The following PCDH19 variants were observed in gnomAD, a reference collection of about 807,000 sequenced individuals.
The protein encoded by PCDH19 is protocadherin 19, also known as protocadherin-19.
In PCDH19, 6 loss-of-function variants were observed where a neutral mutation model predicts 46.2. That is an observed-to-expected ratio of 0.13 (90% CI 0.07 to 0.26). The LOEUF is 0.26. Among genes scored for constraint, PCDH19 ranks in the 10% least tolerant of loss-of-function variants. The probability of loss-of-function intolerance (pLI) is 1.00; values close to 1 mark genes in which losing one functional copy is unlikely to be tolerated. For missense variants in PCDH19, 740 were observed against 972.3 expected, an observed-to-expected ratio of 0.76 and a Z score of 3.18; for synonymous variants, 481 against 415.7, an observed-to-expected ratio of 1.16 and a Z score of -1.91.
In PCDH19 at chrX:100,409,886, G is replaced by T. The variant is rs1053679298; in HGVS notation, c.-1289C>A. On this transcript the variant is annotated 5_prime_UTR_variant, in exon 1 of 6. Coordinates refer to ENST00000373034, the MANE Select transcript of PCDH19 (RefSeq NM_001184880.2). The stretch of plus-strand genomic sequence containing the variant: ...GAGAGGCGCTGGCCGCGCTGCGTTG[G>T]GCTCCCTTCCTCCCGGGCGCTCGCG... The T allele has an allele frequency of 1.3e-5, 4 of 314,632 alleles. No homozygotes were observed. Among genetic ancestry groups the T allele is most frequent in the Non-Finnish European group, 2.2e-5 (4 of 184,068 alleles). 25.9% of individuals were successfully genotyped at this position (314,632 alleles called of 1,213,427 possible).
chrX:100,356,438 C>T (rs1380818938), intron 3 of PCDH19, among the ~76,000 whole-genome samples: 4 of 111,595 alleles, frequency 3.6e-5, no homozygotes, highest in Non-Finnish European at 7.5e-5. Flanking sequence ...ATGGTCATCT[C>T]CTCACAAAGA....
rs1324975511 is a variant in PCDH19, at chrX:100,407,203, G to C, written c.1395C>G (p.Asn465Lys). ...KPYYQVIVQE[N>K]NTPGAYLLSV... ...AGAGCAGATAGGCGCCAGGCGTGTTGTTCTCCTGCACAATGACCTGGTAGT... is the reference window on the plus strand; with the variant it reads ...AGAGCAGATAGGCGCCAGGCGTGTTCTTCTCCTGCACAATGACCTGGTAGT... The change falls in exon 1 of 6, where the codon AAC becomes AAG. Residue 465 changes from asparagine (N) to lysine (K), a missense_variant. Physicochemically the swap from Asn to Lys is moderately conservative, Grantham distance 94. Around this residue, in one of 5 missense-constraint regions of PCDH19, gnomAD observed 186 missense variants for 319.9 expected, o/e 0.58. Coordinates refer to ENST00000373034, the MANE Select transcript of PCDH19 (RefSeq NM_001184880.2). The C allele has an allele frequency of 2.5e-6, 3 of 1,211,810 alleles. No individual in the cohort carries two copies. Among genetic ancestry groups the C allele is most frequent in the Non-Finnish European group, 2.2e-6 (2 of 895,514 alleles).
At chrX:100,374,271 A>C (rs372580660) in intron 3 of PCDH19, among the ~76,000 whole-genome samples, 1 of 112,553 alleles carries the variant, frequency 8.9e-6, no homozygotes. Context: ...TGTCCATTCA[A>C]ATAAATCCCT....
intron 4 of PCDH19, among the ~76,000 whole-genome samples, chrX:100,343,174 A>G (rs1047156136): frequency 6.3e-5 from 7 of 111,836 alleles, no homozygotes; most frequent in Non-Finnish European, 1.1e-4. Context: ...TTGAATCTAC[A>G]CTATTGGCTC....
intron 3 of PCDH19, among the ~76,000 whole-genome samples, chrX:100,363,614 T>A (rs1038134662): frequency 1.7e-5 from 1 of 58,563 alleles, no homozygotes; most frequent in Non-Finnish European, 3.1e-5. Context: ...CATGGGAAGT[T>A]TTATATATAT....
chrX:100,342,473 A>G, intron 4 of PCDH19, among the ~76,000 whole-genome samples: 1 of 112,331 alleles, frequency 8.9e-6, no homozygotes, highest in African/African-American at 3.2e-5. Context: ...TAAGTGTTTG[A>G]CATTAATTAA....
intron 3 of PCDH19, among the ~76,000 whole-genome samples, chrX:100,400,568 C>G (rs781413685): frequency 2.5e-4 from 28 of 112,811 alleles, no homozygotes; most frequent in African/African-American, 9.0e-4. Flanking sequence ...TGTAAGTAGT[C>G]TACGGCCTAG....
intron 5 of PCDH19, among the ~76,000 whole-genome samples, chrX:100,309,068 A>G (rs2147456581): frequency 9.0e-6 from 1 of 110,506 alleles, no homozygotes; most frequent in South Asian, 3.9e-4. Context: ...ACTCATGTTT[A>G]TAGCAGCACA....
chrX:100,369,078 ATATTATTATTAC>A (rs1205942236), intron 3 of PCDH19, among the ~76,000 whole-genome samples: 3 of 111,599 alleles, frequency 2.7e-5, no homozygotes, highest in Admixed American at 9.6e-5. Flanking sequence ...TCATTTGGGC[ATATTATTATTAC>A]TATTATTATT....
At chrX:100,364,266 C>T (rs1927010979) in intron 3 of PCDH19, among the ~76,000 whole-genome samples, 1 of 111,815 alleles carries the variant, frequency 8.9e-6, no homozygotes, top group South Asian at 3.8e-4. Context: ...CTCAGGACCT[C>T]CTTGGAGCCT....
At chrX:100,309,779 G>GA (rs1925076391) in intron 5 of PCDH19, among the ~76,000 whole-genome samples, 1 of 111,865 alleles carries the variant, frequency 8.9e-6, no homozygotes, top group African/African-American at 3.2e-5. Flanking sequence ...CAAGACAGAA[G>GA]AAAAAAGGCC....
At chrX:100,381,748 T>C (rs1927559000) in intron 3 of PCDH19, among the ~76,000 whole-genome samples, 1 of 112,257 alleles carries the variant, frequency 8.9e-6, no homozygotes. Context: ...AAATGAATCA[T>C]TAGATAAGCC....
intron 3 of PCDH19, among the ~76,000 whole-genome samples, chrX:100,364,481 T>G (rs1927019459): frequency 8.9e-6 from 1 of 111,940 alleles, no homozygotes; most frequent in African/African-American, 3.3e-5. Context: ...AACATTTCCA[T>G]CATCACAGAA....
intron 4 of PCDH19, among the ~76,000 whole-genome samples, chrX:100,342,910 G>C (rs1481217037): frequency 4.5e-5 from 5 of 112,222 alleles, no homozygotes; most frequent in Non-Finnish European, 7.5e-5. Context: ...GGAATGCCCA[G>C]ATAGCTGGTT....
chrX:100,321,781 CT>C (rs1231191259), intron 5 of PCDH19, among the ~76,000 whole-genome samples: 534 of 43,598 alleles, frequency 0.012, 4 homozygotes, highest in African/African-American at 0.047. Context: ...CCCACCTATT[CT>C]TTTTTTTTTT....
At chrX:100,392,303 C>T (rs2068819989) in intron 3 of PCDH19, among the ~76,000 whole-genome samples, 1 of 111,893 alleles carries the variant, frequency 8.9e-6, no homozygotes, top group East Asian at 2.8e-4. Context: ...AAAGAATTAC[C>T]AGTAAAGGCA....
intron 3 of PCDH19, among the ~76,000 whole-genome samples, chrX:100,377,606 G>C (rs1459723927): frequency 1.8e-5 from 2 of 112,281 alleles, no homozygotes; most frequent in African/African-American, 6.5e-5. Flanking sequence ...CTAAGGCATT[G>C]AAGTGTGAGT....
chrX:100,308,790 A>G (rs1370810824), intron 5 of PCDH19, among the ~76,000 whole-genome samples: 1 of 111,655 alleles, frequency 9.0e-6, no homozygotes, highest in Non-Finnish European at 1.9e-5. Flanking sequence ...GCTCAACATC[A>G]CTAATTATCA....
intron 3 of PCDH19, among the ~76,000 whole-genome samples, chrX:100,371,495 A>G (rs755750175): frequency 3.2e-4 from 36 of 111,291 alleles, no homozygotes; most frequent in Admixed American, 1.7e-3. Flanking sequence ...TGAATGAATG[A>G]ACCATCTGCT....
Sources: allele counts gnomAD v4.1 joint callset (sites outside exome capture counted in the v4.1 genomes callset), GRCh38; gene constraint gnomAD v4.1.1; regional missense constraint gnomAD v4.1.1; transcripts MANE v1.5; gene names NCBI Gene and HGNC (gene_info 2026-07-23, HGNC 2026-07-21).